The following SLC10A7 variants were observed in gnomAD, a reference collection of about 807,000 sequenced individuals.
The protein encoded by SLC10A7 is solute carrier family 10 member 7.
SLC10A7 carries 29 observed loss-of-function variants against 43.2 expected under a neutral mutation model. The ratio of observed to expected loss-of-function variants is 0.67; its 90% CI spans 0.50 to 0.92. The LOEUF is 0.92. SLC10A7 is among the 40% of genes least tolerant of loss of function. The pLI, the probability that SLC10A7 is intolerant of heterozygous loss-of-function variation, is 0.00. For synonymous variants in SLC10A7, 152 were observed against 144.8 expected (o/e 1.05, Z -0.35); for missense variants, 295 against 403.2 (o/e 0.73, Z 2.30).
intron 5 of SLC10A7, among the ~76,000 whole-genome samples, chr4:146,350,481 G>C (rs1734991853): frequency 7.0e-6 from 1 of 141,996 alleles, no homozygotes; most frequent in Admixed American, 6.9e-5. Flanking sequence ...GCCCAGGCTT[G>C]CTTAGGTAAA....
chr4:146,299,951 T>C (rs2101345), intron 7 of SLC10A7, among the ~76,000 whole-genome samples: 107,118 of 151,918 alleles, frequency 0.71, 37,974 homozygotes, highest in African/African-American at 0.75. Context: ...GAATGACAGG[T>C]CATGGAATCT....
chr4:146,436,786 T>A (rs1730251925), intron 5 of SLC10A7, among the ~76,000 whole-genome samples: 2 of 152,150 alleles, frequency 1.3e-5, no homozygotes, highest in South Asian at 4.1e-4. Flanking sequence ...ATTCAGAGCC[T>A]TGAATACGCA....
At chr4:146,384,870 A>T (rs944362437) in intron 5 of SLC10A7, among the ~76,000 whole-genome samples, 4 of 152,008 alleles carry the variant, frequency 2.6e-5, no homozygotes, top group Non-Finnish European at 5.9e-5. Flanking sequence ...ACATTTATAC[A>T]CTGCTTTTTA....
chr4:146,380,754 T>C lies in SLC10A7; in HGVS notation c.436-54758A>G, dbSNP rs186244352. The stretch of plus-strand genomic sequence containing the variant: ...TACAAACTGGCACATTATATTATTG[T>C]AGGAATTTTTTTCTTTTCCTTTTCC... On this transcript the variant is annotated intron_variant, in intron 5 of 11. Transcript: ENST00000335472. 7.9e-5 allele frequency among the ~76,000 whole-genome samples: 12 copies of C among 152,232 alleles called. No individual in the cohort carries two copies. In the East Asian group the frequency reaches 2.3e-3, roughly 29 times the overall value.
At chr4:146,448,661 A>G (rs1359174528) in intron 4 of SLC10A7, among the ~76,000 whole-genome samples, 1 of 152,206 alleles carries the variant, frequency 6.6e-6, no homozygotes, top group African/African-American at 2.4e-5. Flanking sequence ...TGAGTACCTG[A>G]TTCTTAGTCA....
chr4:146,319,450 A>G (rs182410517), intron 6 of SLC10A7, among the ~76,000 whole-genome samples: 2 of 152,098 alleles, frequency 1.3e-5, no homozygotes. Context: ...AGTACTTCCT[A>G]TTCCTCTACA....
intron 5 of SLC10A7, among the ~76,000 whole-genome samples, chr4:146,328,005 A>G (rs1316260509): frequency 6.6e-6 from 1 of 152,152 alleles, no homozygotes; most frequent in East Asian, 1.9e-4. Flanking sequence ...GCACCTCTGC[A>G]CATCATATGG....
At chr4:146,427,830 A>G (rs1451792852) in intron 5 of SLC10A7, among the ~76,000 whole-genome samples, 2 of 152,130 alleles carry the variant, frequency 1.3e-5, no homozygotes, top group East Asian at 3.8e-4. Context: ...ATGGCTTGTT[A>G]GCCTGTTCTC....
chr4:146,475,361 A>G (rs1377824234), intron 4 of SLC10A7, among the ~76,000 whole-genome samples: 1 of 152,176 alleles, frequency 6.6e-6, no homozygotes, highest in African/African-American at 2.4e-5. Context: ...ATCCACTTAA[A>G]ACGTTTCCTG....
intron 5 of SLC10A7, among the ~76,000 whole-genome samples, chr4:146,334,422 T>A (rs960462681): frequency 8.6e-5 from 13 of 151,992 alleles, no homozygotes; most frequent in African/African-American, 3.1e-4. Context: ...GAGGGCTGAG[T>A]AAGGAGGGAA....
At chr4:146,400,177 T>C (rs1739130194) in intron 5 of SLC10A7, among the ~76,000 whole-genome samples, 1 of 152,140 alleles carries the variant, frequency 6.6e-6, no homozygotes, top group Non-Finnish European at 1.5e-5. Context: ...ATCAATATTG[T>C]CTACTACTGC....
intron 5 of SLC10A7, among the ~76,000 whole-genome samples, chr4:146,424,686 C>A (rs1177039717): frequency 6.6e-6 from 1 of 150,828 alleles, no homozygotes; most frequent in East Asian, 1.9e-4. Context: ...AAAACAAAAA[C>A]AAAAACAAAA....
chr4:146,375,914 A>AT (rs1737163901), intron 5 of SLC10A7, among the ~76,000 whole-genome samples: 1 of 152,140 alleles, frequency 6.6e-6, no homozygotes, highest in Non-Finnish European at 1.5e-5. Flanking sequence ...CACAAGTCCT[A>AT]GCTTGTGACC....
At chr4:146,320,650 G>C (rs766777331) in intron 6 of SLC10A7, among the ~76,000 whole-genome samples, 1 of 151,938 alleles carries the variant, frequency 6.6e-6, no homozygotes, top group Non-Finnish European at 1.5e-5. Flanking sequence ...TAGAGACCAG[G>C]GTATTGGAAG....
chr4:146,442,091 A>G (rs1238031746), intron 5 of SLC10A7: 1 of 975,694 alleles, frequency 1.0e-6, no homozygotes, highest in Non-Finnish European at 1.2e-6. Context: ...CAAAAAAATT[A>G]AATCAACAGA....
chr4:146,412,881 T>C lies in SLC10A7; in HGVS notation c.435+29902A>G, dbSNP rs982961813. The stretch of plus-strand genomic sequence containing the variant: ...TATCTGTTGTCTGTTTCCCTCTCTA[T>C]TTGAATGTAAATTTCACCTGGAAAA... On this transcript the variant is annotated intron_variant, in intron 5 of 11. Coordinates refer to ENST00000335472, the MANE Select transcript of SLC10A7 (RefSeq NM_001029998.6). Among the ~76,000 whole-genome samples, 3 of 152,112 alleles carry C rather than the reference T, an allele frequency of 2.0e-5. No individual in the cohort carries two copies. In the South Asian group the frequency reaches 6.2e-4, roughly 32 times the overall value.
intron 5 of SLC10A7, among the ~76,000 whole-genome samples, chr4:146,397,364 A>G (rs189634468): frequency 2.8e-4 from 43 of 152,296 alleles, no homozygotes; most frequent in African/African-American, 9.4e-4. Context: ...TTAACAACTC[A>G]AACAACACCA....
At chr4:146,370,243 G>T (rs1273884275) in intron 5 of SLC10A7, among the ~76,000 whole-genome samples, 3 of 152,000 alleles carry the variant, frequency 2.0e-5, no homozygotes, top group Non-Finnish European at 2.9e-5. Flanking sequence ...TTCCTTTCTG[G>T]CATAGAACAA....
At chr4:146,400,026 G>T (rs1460070860) in intron 5 of SLC10A7, among the ~76,000 whole-genome samples, 1 of 152,146 alleles carries the variant, frequency 6.6e-6, no homozygotes, top group Non-Finnish European at 1.5e-5. Flanking sequence ...CCACAGCCAG[G>T]CCTGAGACCC....
Sources: gnomAD v4.1 joint callset for allele counts (sites outside exome capture counted in the v4.1 genomes callset) on GRCh38, gnomAD v4.1.1 for gene constraint, MANE v1.5 for transcripts, NCBI Gene and HGNC (gene_info 2026-07-23, HGNC 2026-07-21) for gene names.